Variants in RFX7 observed in about 807,000 individuals in gnomAD.
RFX7 encodes regulatory factor X7.
RFX7 carries 26 observed loss-of-function variants against 111.8 expected under a neutral mutation model. The ratio of observed to expected loss-of-function variants is 0.23; its 90% CI spans 0.17 to 0.32. The LOEUF (loss-of-function observed/expected upper bound fraction) is 0.32. Ranked by LOEUF, RFX7 falls within the 10% of genes least tolerant of loss-of-function variation. The pLI is 1.00. For missense variants in RFX7, 1,573 were observed against 1,772.9 expected, an observed-to-expected ratio of 0.89 and a Z score of 2.02; for synonymous variants, 624 against 624.4, an observed-to-expected ratio of 1.00 and a Z score of 0.01.
intron 2 of RFX7, among the ~76,000 whole-genome samples, chr15:56,240,616 A>G (rs1176996775): frequency 6.6e-6 from 1 of 152,120 alleles, no homozygotes; most frequent in Non-Finnish European, 1.5e-5. Flanking sequence ...GTGATATGCA[A>G]GCCCAGTAAT....
intron 3 of RFX7, among the ~76,000 whole-genome samples, chr15:56,167,145 A>G (rs575801370): frequency 5.7e-4 from 86 of 152,056 alleles, no homozygotes; most frequent in Non-Finnish European, 9.6e-4. Flanking sequence ...TCCATACAAA[A>G]AAACAAAATT....
Position 56,094,938 on chromosome 15 carries a change from G to A in RFX7, c.2790C>T (p.Ser930=), listed in dbSNP as rs754939278. 5 of 1,596,318 alleles carry A rather than the reference G, an allele frequency of 3.1e-6. No homozygotes were observed. In the South Asian group the frequency reaches 4.6e-5, roughly 15 times the overall value. Residue 930 remains serine (S), a synonymous_variant, in exon 10 of 10, where the codon TCC becomes TCT. Coordinates refer to ENST00000559447, the MANE Select transcript of RFX7 (RefSeq NM_022841.7). ...GGATTGGATGATAGAAGTGGGTGCT[G>A]GAAGTGTGAGATGACATTGGAGCTC... ...TPGAPMSSHT[S]STHFYHPIHS...
chr15:56,157,436 T>G (rs2042666694), intron 3 of RFX7, among the ~76,000 whole-genome samples: 1 of 152,238 alleles, frequency 6.6e-6, no homozygotes, highest in Non-Finnish European at 1.5e-5. Context: ...TATCACTTAC[T>G]GAGTATTTCA....
At chr15:56,147,315 C>T (rs11071252) in intron 3 of RFX7, among the ~76,000 whole-genome samples, 30,085 of 151,996 alleles carry the variant, frequency 0.2, 3,396 homozygotes, top group East Asian at 0.44. Context: ...TTGAAAACAT[C>T]GTGCTAAGTG....
At chr15:56,195,383 GTTAA>G (rs1411518794) in intron 2 of RFX7, among the ~76,000 whole-genome samples, 1 of 152,066 alleles carries the variant, frequency 6.6e-6, no homozygotes, top group African/African-American at 2.4e-5. Context: ...ACTTTATGTG[GTTAA>G]TTTTTATGTT....
intron 2 of RFX7, among the ~76,000 whole-genome samples, chr15:56,198,804 A>C (rs1475230543): frequency 3.9e-5 from 6 of 152,292 alleles, no homozygotes; most frequent in Non-Finnish European, 8.8e-5. Context: ...TGAATAATAA[A>C]GACCTGAGAG....
At chr15:56,163,508 C>T (rs1041018096) in intron 3 of RFX7, among the ~76,000 whole-genome samples, 22 of 152,140 alleles carry the variant, frequency 1.4e-4, no homozygotes, top group African/African-American at 5.3e-4. Context: ...CTACTATGCT[C>T]TAGGCACTAT....
At chr15:56,158,942 CCTAT>C (rs1211104971) in intron 3 of RFX7, among the ~76,000 whole-genome samples, 1 of 152,196 alleles carries the variant, frequency 6.6e-6, no homozygotes, top group Non-Finnish European at 1.5e-5. Flanking sequence ...GCTTATTCTT[CCTAT>C]CTAACGAAAA....
chr15:56,203,586 G>A (rs118135259), intron 2 of RFX7, among the ~76,000 whole-genome samples: 19,775 of 152,048 alleles, frequency 0.13, 1,672 homozygotes, highest in East Asian at 0.44. Flanking sequence ...TGAGATGGGA[G>A]GTCAGCACAA....
intron 2 of RFX7, among the ~76,000 whole-genome samples, chr15:56,237,632 A>G (rs1336827993): frequency 6.6e-6 from 1 of 152,202 alleles, no homozygotes; most frequent in East Asian, 1.9e-4. Flanking sequence ...CATAAACCAA[A>G]TCAGTCCTGC....
intron 2 of RFX7, among the ~76,000 whole-genome samples, chr15:56,211,793 C>T (rs1270197883): frequency 6.6e-6 from 1 of 152,028 alleles, no homozygotes. Flanking sequence ...TATCATGAGT[C>T]ATCAGGAAAA....
At chr15:56,122,894 C>T (rs1270132880) in intron 5 of RFX7, among the ~76,000 whole-genome samples, 2 of 152,178 alleles carry the variant, frequency 1.3e-5, no homozygotes, top group Admixed American at 1.3e-4. Context: ...GTGGTGAATG[C>T]CCTCAAATCT....
At chr15:56,106,305 G>C (rs1448704668) in intron 5 of RFX7, among the ~76,000 whole-genome samples, 1 of 152,048 alleles carries the variant, frequency 6.6e-6, no homozygotes, top group Non-Finnish European at 1.5e-5. Flanking sequence ...CCTCATTGTC[G>C]AATACTCTGG....
At chr15:56,152,485 A>G (rs770426093) in intron 3 of RFX7, among the ~76,000 whole-genome samples, 2 of 152,182 alleles carry the variant, frequency 1.3e-5, no homozygotes, top group Non-Finnish European at 2.9e-5. Context: ...GGCAGAAATA[A>G]AGATGTTCTT....
chr15:56,133,868 A>T (rs1301443974), intron 5 of RFX7, among the ~76,000 whole-genome samples: 8 of 152,132 alleles, frequency 5.3e-5, no homozygotes, highest in Middle Eastern at 3.2e-3. Flanking sequence ...TACATGCTGT[A>T]ATTCTATGGA....
chr15:56,101,082 T>C (rs2140525052), intron 8 of RFX7, among the ~76,000 whole-genome samples: 1 of 152,304 alleles, frequency 6.6e-6, no homozygotes, highest in East Asian at 1.9e-4. Context: ...AATGTAAAAG[T>C]AGCAATGGAA....
At chr15:56,215,673 G>A (rs1407031348) in intron 2 of RFX7, among the ~76,000 whole-genome samples, 1 of 152,060 alleles carries the variant, frequency 6.6e-6, no homozygotes, top group East Asian at 1.9e-4. Flanking sequence ...ATTCTATTTG[G>A]ATACCAAGAT....
intron 5 of RFX7, among the ~76,000 whole-genome samples, chr15:56,142,546 CTCCT>C (rs1359187829): frequency 3.9e-5 from 6 of 152,166 alleles, no homozygotes; most frequent in Non-Finnish European, 8.8e-5. Context: ...TCTGACCTCC[CTCCT>C]GTCATCCTGA....
intron 5 of RFX7, among the ~76,000 whole-genome samples, chr15:56,119,958 C>T (rs2042055928): frequency 6.6e-6 from 1 of 151,986 alleles, no homozygotes; most frequent in African/African-American, 2.4e-5. Context: ...CAGTTTTGTT[C>T]TTTTTGCTTA....
Sources: gnomAD v4.1 joint callset for allele counts (sites outside exome capture counted in the v4.1 genomes callset) on GRCh38, gnomAD v4.1.1 for gene constraint, MANE v1.5 for transcripts, NCBI Gene and HGNC (gene_info 2026-07-23, HGNC 2026-07-21) for gene names.